Variants in UBE2D4 observed in about 807,000 individuals in gnomAD.
The protein encoded by UBE2D4 is ubiquitin-conjugating enzyme E2 D4.
UBE2D4 carries 17 observed loss-of-function variants against 23.0 expected under a neutral mutation model. The ratio of observed to expected loss-of-function variants is 0.74; its 90% CI spans 0.51 to 1.11. The LOEUF (loss-of-function observed/expected upper bound fraction) is 1.11. Ranked by LOEUF, UBE2D4 falls within the 50% of genes least tolerant of loss-of-function variation. The pLI is 0.00. For synonymous variants in UBE2D4, 61 were observed against 69.4 expected, an observed-to-expected ratio of 0.88 and a Z score of 0.60; for missense variants, 139 against 181.8, an observed-to-expected ratio of 0.76 and a Z score of 1.35.
At chr7:43,930,153 TGAA>T (rs1479889649) in intron 1 of UBE2D4, among the ~76,000 whole-genome samples, 1 of 152,216 alleles carries the variant, frequency 6.6e-6, no homozygotes, top group African/African-American at 2.4e-5. Flanking sequence ...TGCCTTGTTA[TGAA>T]TTATGTCTCA....
At chr7:43,947,187 T>A (rs1269846746) in intron 4 of UBE2D4, 1 of 151,626 alleles carries the variant, frequency 6.6e-6, no homozygotes, top group African/African-American at 2.4e-5. Flanking sequence ...CAGGATGGAG[T>A]GCAATGGCGT....
chr7:43,930,422 T>G (rs1421566220), intron 1 of UBE2D4, among the ~76,000 whole-genome samples: 2 of 152,172 alleles, frequency 1.3e-5, no homozygotes, highest in African/African-American at 4.8e-5. Context: ...TGTTTCAAAT[T>G]GAATATTTTT....
chr7:43,927,998 G>T (rs1220716874), intron 1 of UBE2D4: 1 of 449,348 alleles, frequency 2.2e-6, no homozygotes, highest in Non-Finnish European at 4.4e-6. Flanking sequence ...GGTTTATTTG[G>T]CTCTCGGTTC....
intron 1 of UBE2D4, among the ~76,000 whole-genome samples, chr7:43,932,019 T>C (rs991839807): frequency 1.4e-5 from 2 of 141,190 alleles, no homozygotes; most frequent in African/African-American, 2.7e-5. Flanking sequence ...GACAGAGTCT[T>C]GCTCTGTCGC....
intron 2 of UBE2D4, chr7:43,942,432 G>A (rs1430628681): frequency 2.7e-6 from 1 of 365,270 alleles, no homozygotes; most frequent in Non-Finnish European, 5.1e-6. Context: ...TCAGGGTGGA[G>A]CTCCAATGAG....
intron 6 of UBE2D4, 149 bp from the exon 7 acceptor site, chr7:43,952,501 A>T: frequency 2.8e-6 from 2 of 715,980 alleles, no homozygotes; most frequent in Non-Finnish European, 5.0e-6. Flanking sequence ...TGCTCCAGGG[A>T]AAGCCTTTAT....
At chr7:43,943,516 C>T (rs2095978307) in intron 4 of UBE2D4, 1 of 186,912 alleles carries the variant, frequency 5.4e-6, no homozygotes, top group Non-Finnish European at 1.1e-5. Flanking sequence ...AGGAGAGCCA[C>T]CCTTCCCATG....
chr7:43,935,077 C>G (rs2132760532), intron 1 of UBE2D4, among the ~76,000 whole-genome samples: 1 of 152,362 alleles, frequency 6.6e-6, no homozygotes, highest in South Asian at 2.1e-4. Context: ...GAGGGAATGA[C>G]TTCCAACTAC....
At chr7:43,932,908 C>A (rs2095949025) in intron 1 of UBE2D4, among the ~76,000 whole-genome samples, 1 of 5,362 alleles carries the variant, frequency 1.9e-4, no homozygotes, top group Non-Finnish European at 3.1e-4. Flanking sequence ...CATCTCTAGT[C>A]ATCTAAAGTG....
At chr7:43,938,381 G>A in intron 1 of UBE2D4, 50 bp from the exon 2 acceptor site, 15 of 1,565,084 alleles carry the variant, frequency 9.6e-6, no homozygotes, top group Non-Finnish European at 1.3e-5. Context: ...GGTATGTAGA[G>A]GCAGCATCCC....
At chr7:43,941,657 A>G (rs1040130054) in intron 2 of UBE2D4, 4 of 152,404 alleles carry the variant, frequency 2.6e-5, no homozygotes, top group African/African-American at 9.6e-5. Context: ...TTCACAATGA[A>G]TCAGGAGAAG....
Position 43,954,100 on chromosome 7 carries a change from G to A in UBE2D4, c.*1405G>A, listed in dbSNP as rs1381835242. ...GATATTTTCCCACTGAGAATACTGA[G>A]GTTATTCACATAATCACTTCCTTAA... On this transcript the variant is annotated 3_prime_UTR_variant, in exon 7 of 7. Transcript: ENST00000222402. The A allele has an allele frequency of 6.6e-6, 1 of 152,058 alleles. No individual in the cohort carries two copies. The highest frequency in any genetic ancestry group is 1.5e-5 in the Non-Finnish European group (1 of 67,998). The allele number at this position is 152,058 out of a possible 1,614,324, so 9.4% of individuals were successfully genotyped here. A position where few individuals can be genotyped will look rare whatever the true frequency, so the allele number is the denominator to read the frequency against.
At chr7:43,935,971 C>G (rs1353723789) in intron 1 of UBE2D4, among the ~76,000 whole-genome samples, 1 of 152,186 alleles carries the variant, frequency 6.6e-6, no homozygotes, top group Non-Finnish European at 1.5e-5. Flanking sequence ...GCATCACCCT[C>G]TAAAGCGATT....
chr7:43,948,614 G>GA lies in UBE2D4; in HGVS notation c.199-17dup. On this transcript the variant is annotated splice_polypyrimidine_tract_variant and intron_variant, in intron 4 of 6. Coordinates refer to ENST00000222402, the MANE Select transcript of UBE2D4 (RefSeq NM_015983.4). ...CGTCCCTGTGGTTTGTCTGATTGGG[G>GA]ATCTCTTGTCTTTGCAGGTTGCTTT... is the stretch of plus-strand genomic sequence containing the variant. 4 of 1,536,326 alleles carry GA rather than the reference G, an allele frequency of 2.6e-6. No individual in the cohort carries two copies. In the South Asian group the frequency reaches 4.5e-5, roughly 17 times the overall value.
At chr7:43,927,958 T>A (rs1447585148) in intron 1 of UBE2D4, 3 of 437,538 alleles carry the variant, frequency 6.9e-6, no homozygotes, top group Non-Finnish European at 1.4e-5. Flanking sequence ...TAAAGGAATA[T>A]CTGAGGCTGG....
intron 1 of UBE2D4, among the ~76,000 whole-genome samples, chr7:43,929,419 C>G (rs566451614): frequency 2.1e-5 from 3 of 141,774 alleles, no homozygotes; most frequent in African/African-American, 5.3e-5. Context: ...GAGCGAGACT[C>G]TGTCTTAAAA....
intron 1 of UBE2D4, among the ~76,000 whole-genome samples, chr7:43,934,879 A>T (rs1005573836): frequency 2.0e-5 from 3 of 152,166 alleles, no homozygotes; most frequent in African/African-American, 7.2e-5. Context: ...GAGCATTAAC[A>T]ATGCTAAGCT....
chr7:43,934,087 C>T (rs575027767), intron 1 of UBE2D4, among the ~76,000 whole-genome samples: 1 of 152,246 alleles, frequency 6.6e-6, no homozygotes, highest in South Asian at 2.1e-4. Flanking sequence ...AATAAGGGAG[C>T]AAATATTTGT....
intron 1 of UBE2D4, among the ~76,000 whole-genome samples, chr7:43,933,033 CAT>C: frequency 7.4e-6 from 1 of 134,972 alleles, no homozygotes; most frequent in Non-Finnish European, 1.6e-5. Context: ...TATATATACA[CAT>C]ATGTATGTGT....
Sources: allele counts gnomAD v4.1 joint callset (sites outside exome capture counted in the v4.1 genomes callset), GRCh38; gene constraint gnomAD v4.1.1; transcripts MANE v1.5; gene names NCBI Gene and HGNC (gene_info 2026-07-23, HGNC 2026-07-21).